The following SDK1 variants were observed in gnomAD, a reference collection of about 807,000 sequenced individuals.
SDK1 encodes sidekick cell adhesion molecule 1, also known as protein sidekick-1.
Under a neutral mutation model 245.5 loss-of-function variants are expected in SDK1, and 157 were observed. That is an observed-to-expected ratio of 0.64 (90% CI 0.56 to 0.73). The LOEUF is 0.73. SDK1 is among the 30% of genes least tolerant of loss of function. SDK1 has a pLI of 0.00. For missense variants in SDK1, 3,583 were observed against 3,002.3 expected (o/e 1.19, Z -4.52); for synonymous variants, 1,647 against 1,278.5 (o/e 1.29, Z -6.15).
In SDK1 at chr7:4,129,731, C is replaced by T. The variant is rs959880141; in HGVS notation, c.3940-177C>T. On this transcript the variant is annotated intron_variant, in intron 26 of 44. Transcript: ENST00000404826. ...TGGAGCGCAGTCACTTTACAACCAC[C>T]TTCCTCCCCAAATGCCAGCATGGAC... is the stretch of plus-strand genomic sequence containing the variant. The T allele has an allele frequency of 1.5e-4, 219 of 1,425,648 alleles. 1 individual carries two copies. The highest frequency in any genetic ancestry group is 1.8e-4 in the Non-Finnish European group (197 of 1,093,552). 88.3% of individuals were successfully genotyped at this position (1,425,648 alleles called of 1,614,324 possible).
chr7:3,725,987 C>T (rs73302299), intron 4 of SDK1, among the ~76,000 whole-genome samples: 4 of 152,260 alleles, frequency 2.6e-5, no homozygotes, highest in Admixed American at 6.5e-5. Flanking sequence ...CAGTGCAAGA[C>T]GGACACTATT....
intron 1 of SDK1, among the ~76,000 whole-genome samples, chr7:3,575,834 A>G (rs1256692882): frequency 5.3e-5 from 8 of 151,982 alleles, no homozygotes; most frequent in African/African-American, 1.9e-4. Flanking sequence ...ACAAACCAGG[A>G]GGCTGTAAAT....
At chr7:3,692,152 A>T (rs576036033) in intron 4 of SDK1, among the ~76,000 whole-genome samples, 1 of 152,310 alleles carries the variant, frequency 6.6e-6, no homozygotes, top group African/African-American at 2.4e-5. Flanking sequence ...TATTGTAATT[A>T]TGATTTCTGT....
At chr7:3,663,507 T>G (rs1478585124) in intron 4 of SDK1, among the ~76,000 whole-genome samples, 2 of 152,186 alleles carry the variant, frequency 1.3e-5, no homozygotes, top group African/African-American at 4.8e-5. Flanking sequence ...GGTTTGTTCT[T>G]CAGCTGAGGG....
chr7:3,401,059 G>A (rs567710045), intron 1 of SDK1, among the ~76,000 whole-genome samples: 1 of 152,142 alleles, frequency 6.6e-6, no homozygotes, highest in Non-Finnish European at 1.5e-5. Context: ...GCTGCCATCC[G>A]CAGCCTCATA....
chr7:3,563,746 G>A (rs537428415), intron 1 of SDK1, among the ~76,000 whole-genome samples: 1 of 152,220 alleles, frequency 6.6e-6, no homozygotes, highest in South Asian at 2.1e-4. Context: ...GAGACAATGT[G>A]TATTTTTTAA....
chr7:4,176,446 G>A (rs1325203523), intron 34 of SDK1, among the ~76,000 whole-genome samples: 3 of 152,144 alleles, frequency 2.0e-5, no homozygotes, highest in Non-Finnish European at 4.4e-5. Context: ...TAGGGCTATA[G>A]GCGTGAGCCA....
intron 31 of SDK1, among the ~76,000 whole-genome samples, chr7:4,159,618 C>T (rs1562368282): frequency 6.6e-6 from 1 of 152,216 alleles, no homozygotes; most frequent in African/African-American, 2.4e-5. Flanking sequence ...GAGGAGCCGT[C>T]CCGGGTATAT....
At chr7:3,489,451 T>A (rs553506234) in intron 1 of SDK1, among the ~76,000 whole-genome samples, 1 of 152,206 alleles carries the variant, frequency 6.6e-6, no homozygotes, top group Non-Finnish European at 1.5e-5. Context: ...ATATCAGATA[T>A]ATATATTTTT....
At chr7:4,080,201 G>A (rs991787603) in intron 22 of SDK1, among the ~76,000 whole-genome samples, 5 of 152,066 alleles carry the variant, frequency 3.3e-5, no homozygotes, top group African/African-American at 1.2e-4. Context: ...GGGGAGAGCT[G>A]GGGGCGGGTT....
intron 4 of SDK1, among the ~76,000 whole-genome samples, chr7:3,761,311 G>T: frequency 7.9e-6 from 1 of 127,240 alleles, no homozygotes; most frequent in African/African-American, 3.0e-5. Context: ...TAGTTATTAG[G>T]TGGCAACTCA....
At chr7:3,421,210 T>G (rs951556290) in intron 1 of SDK1, among the ~76,000 whole-genome samples, 3 of 151,964 alleles carry the variant, frequency 2.0e-5, no homozygotes, top group African/African-American at 7.2e-5. Flanking sequence ...TAGCTGGGAC[T>G]GCAAGTGTGT....
chr7:3,479,975 G>T (rs896375866), intron 1 of SDK1, among the ~76,000 whole-genome samples: 1 of 151,870 alleles, frequency 6.6e-6, no homozygotes, highest in Admixed American at 6.5e-5. Flanking sequence ...ACTGTGATAG[G>T]CAGAATAATG....
intron 1 of SDK1, 124 bp downstream of exon 1, chr7:3,302,008 G>C: frequency 1.4e-6 from 1 of 710,186 alleles, no homozygotes; most frequent in Non-Finnish European, 1.8e-6. Context: ...CGCCTTGCTG[G>C]GGGCTCTAGG....
At chr7:3,463,161 G>A (rs1780885762) in intron 1 of SDK1, among the ~76,000 whole-genome samples, 1 of 152,180 alleles carries the variant, frequency 6.6e-6, no homozygotes, top group African/African-American at 2.4e-5. Flanking sequence ...CCATGGAGAT[G>A]GGGTCGAGAT....
intron 1 of SDK1, among the ~76,000 whole-genome samples, chr7:3,315,706 A>C (rs746671703): frequency 1.3e-5 from 2 of 152,164 alleles, no homozygotes; most frequent in Non-Finnish European, 2.9e-5. Flanking sequence ...AACTTTTTAA[A>C]AATTATGAAA....
intron 35 of SDK1, among the ~76,000 whole-genome samples, chr7:4,193,320 A>G (rs1006966990): frequency 5.9e-5 from 8 of 136,330 alleles, no homozygotes; most frequent in Non-Finnish European, 1.2e-4. Context: ...ATATATTTAT[A>G]CAATATATAA....
In SDK1 at chr7:4,052,175, C is replaced by T. The variant is rs1012433246; in HGVS notation, c.2911+345C>T. 8.8e-5 allele frequency among the ~76,000 whole-genome samples: 13 copies of T among 147,308 alleles called. 1 individual carries two copies. The highest frequency in any genetic ancestry group is 2.7e-4 in the African/African-American group (11 of 40,146). On this transcript the variant is annotated intron_variant, in intron 19 of 44. Transcript: ENST00000404826. ...CCTCACCTGCTTCCATGATCCCCCC[C>T]CCCCCGACGTCCCCCAGCCCATTCT...
intron 4 of SDK1, among the ~76,000 whole-genome samples, chr7:3,661,915 A>T (rs989703617): frequency 2.0e-5 from 3 of 151,910 alleles, no homozygotes; most frequent in Non-Finnish European, 4.4e-5. Context: ...AGCACGTGCA[A>T]CTCTAGAGGG....
Sources: gnomAD v4.1 joint callset for allele counts (sites outside exome capture counted in the v4.1 genomes callset) on GRCh38, gnomAD v4.1.1 for gene constraint, MANE v1.5 for transcripts, NCBI Gene and HGNC (gene_info 2026-07-23, HGNC 2026-07-21) for gene names.